Variants in SEMA5A observed in about 807,000 individuals in gnomAD.
SEMA5A encodes semaphorin 5A, also known as semaphorin-5A.
A neutral mutation model predicts 135.5 loss-of-function variants in SEMA5A; 55 were observed. The observed-to-expected ratio is 0.41, with a 90% confidence interval of 0.33 to 0.51. The LOEUF (loss-of-function observed/expected upper bound fraction) is 0.51. Ranked by LOEUF, SEMA5A falls within the 20% of genes least tolerant of loss-of-function variation. The pLI, the probability that SEMA5A is intolerant of heterozygous loss-of-function variation, is 0.37. For missense variants in SEMA5A, 1,290 were observed against 1,419.9 expected, an observed-to-expected ratio of 0.91 and a Z score of 1.47; for synonymous variants, 580 against 546.5, an observed-to-expected ratio of 1.06 and a Z score of -0.85.
At chr5:9,506,299 G>C (rs536420863) in intron 1 of SEMA5A, among the ~76,000 whole-genome samples, 19 of 152,256 alleles carry the variant, frequency 1.2e-4, no homozygotes, top group African/African-American at 4.6e-4. Context: ...TCTGCATTTA[G>C]CTGCTATGCA....
chr5:9,116,373 C>T (rs1740514318), intron 15 of SEMA5A, among the ~76,000 whole-genome samples: 1 of 152,162 alleles, frequency 6.6e-6, no homozygotes, highest in Non-Finnish European at 1.5e-5. Flanking sequence ...AGTAGCCTCT[C>T]TGGGAGTTGG....
intron 1 of SEMA5A, among the ~76,000 whole-genome samples, chr5:9,460,134 T>C (rs1759000734): frequency 6.6e-6 from 1 of 152,222 alleles, no homozygotes; most frequent in African/African-American, 2.4e-5. Flanking sequence ...TGGTAGCTCA[T>C]ATAAAACACC....
At chr5:9,530,449 C>A (rs1737375935) in intron 1 of SEMA5A, among the ~76,000 whole-genome samples, 4 of 152,020 alleles carry the variant, frequency 2.6e-5, no homozygotes, top group Admixed American at 2.6e-4. Context: ...CAGTCTCAAC[C>A]AACACACTGA....
chr5:9,397,442 A>G (rs1579473617), intron 2 of SEMA5A, among the ~76,000 whole-genome samples: 1 of 152,316 alleles, frequency 6.6e-6, no homozygotes, highest in East Asian at 1.9e-4. Context: ...GTAAGGATTT[A>G]ATAATTTAAT....
chr5:9,335,371 C>T (rs1388992170), intron 4 of SEMA5A, among the ~76,000 whole-genome samples: 1 of 152,172 alleles, frequency 6.6e-6, no homozygotes, highest in Non-Finnish European at 1.5e-5. Context: ...GAGCATAAGA[C>T]ATCTCTTCAA....
chr5:9,293,785 TA>T (rs1751200143), intron 5 of SEMA5A, among the ~76,000 whole-genome samples: 1 of 152,202 alleles, frequency 6.6e-6, no homozygotes, highest in African/African-American at 2.4e-5. Flanking sequence ...ACCAAATTAG[TA>T]ATAATGTTTA....
intron 11 of SEMA5A, among the ~76,000 whole-genome samples, chr5:9,187,194 A>G (rs1054474987): frequency 3.3e-5 from 5 of 151,976 alleles, no homozygotes; most frequent in Non-Finnish European, 4.4e-5. Context: ...TTCCTTGGAC[A>G]TAAAGACTGT....
chr5:9,384,732 A>ATG (rs1236739637), intron 2 of SEMA5A, among the ~76,000 whole-genome samples: 7 of 152,138 alleles, frequency 4.6e-5, no homozygotes, highest in African/African-American at 1.4e-4. Context: ...AGACAGACAG[A>ATG]CAGACAGACA....
intron 1 of SEMA5A, among the ~76,000 whole-genome samples, chr5:9,528,351 T>A (rs1229375531): frequency 2.6e-5 from 4 of 152,140 alleles, no homozygotes; most frequent in Non-Finnish European, 5.9e-5. Flanking sequence ...GATTACACAT[T>A]TATTTTTCTG....
At chr5:9,119,195 C>T in intron 14 of SEMA5A, 54 bp from the exon 15 acceptor site, 1 of 1,589,116 alleles carries the variant, frequency 6.3e-7, no homozygotes, top group Non-Finnish European at 8.6e-7. Flanking sequence ...AGAGTCCAAG[C>T]CCTGTCTGCA....
At chr5:9,535,921 G>A (rs1828614) in intron 1 of SEMA5A, among the ~76,000 whole-genome samples, 81,478 of 151,960 alleles carry the variant, frequency 0.54, 22,662 homozygotes, top group Non-Finnish European at 0.62. Context: ...ATAGCCATAC[G>A]TGCCTGTCAT....
At chr5:9,122,121 T>C (rs1015707157) in intron 14 of SEMA5A, among the ~76,000 whole-genome samples, 2 of 152,050 alleles carry the variant, frequency 1.3e-5, no homozygotes, top group African/African-American at 4.8e-5. Context: ...GTAAAAAAAA[T>C]AAATAAATAA....
At chr5:9,167,157 T>C (rs1166480490) in intron 11 of SEMA5A, among the ~76,000 whole-genome samples, 1 of 152,254 alleles carries the variant, frequency 6.6e-6, no homozygotes, top group African/African-American at 2.4e-5. Flanking sequence ...TTTTTCTCAG[T>C]GGCTACATTA....
intron 11 of SEMA5A, among the ~76,000 whole-genome samples, chr5:9,158,864 T>C (rs963938238): frequency 3.9e-5 from 6 of 152,228 alleles, no homozygotes; most frequent in African/African-American, 1.4e-4. Context: ...TTAAATATTA[T>C]ACTTCACTAC....
chr5:9,093,145 G>A (rs1204498619), intron 16 of SEMA5A, among the ~76,000 whole-genome samples: 4 of 152,102 alleles, frequency 2.6e-5, no homozygotes, highest in Non-Finnish European at 4.4e-5. Flanking sequence ...TGATAAGGAA[G>A]GAAGTTGTAA....
At chr5:9,283,747 A>T (rs900814058) in intron 5 of SEMA5A, among the ~76,000 whole-genome samples, 1 of 152,114 alleles carries the variant, frequency 6.6e-6, no homozygotes, top group African/African-American at 2.4e-5. Flanking sequence ...CTGCCCGTTA[A>T]TTTTTAACCA....
At chr5:9,135,322 A>T (rs892742706) in intron 13 of SEMA5A, among the ~76,000 whole-genome samples, 1 of 151,576 alleles carries the variant, frequency 6.6e-6, no homozygotes. Flanking sequence ...CTGGGACTAC[A>T]GGCGCCCGCC....
chr5:9,045,568 C>T (rs113628215), intron 21 of SEMA5A, among the ~76,000 whole-genome samples: 6 of 152,152 alleles, frequency 3.9e-5, no homozygotes, highest in Admixed American at 6.5e-5. Flanking sequence ...CGTGCCCTTC[C>T]GGAGATACTC....
intron 8 of SEMA5A, among the ~76,000 whole-genome samples, chr5:9,207,410 C>T (rs1229329507): frequency 6.6e-6 from 1 of 152,066 alleles, no homozygotes; most frequent in Admixed American, 6.6e-5. Context: ...GTCTTGAACT[C>T]CCAACCTCAG....
Sources: allele counts gnomAD v4.1 joint callset (sites outside exome capture counted in the v4.1 genomes callset), GRCh38; gene constraint gnomAD v4.1.1; transcripts MANE v1.5; gene names NCBI Gene and HGNC (gene_info 2026-07-23, HGNC 2026-07-21).